The following GAS2L3 variants were observed in gnomAD, a reference collection of about 807,000 sequenced individuals.
The protein encoded by GAS2L3 is growth arrest specific 2 like 3.
In GAS2L3, 28 loss-of-function variants were observed where a neutral mutation model predicts 37.0. The observed-to-expected ratio is 0.76, with a 90% CI of 0.56 to 1.04. The LOEUF is 1.04. Ranked by LOEUF, GAS2L3 falls within the 50% of genes least tolerant of loss-of-function variation. The pLI is 0.00. For synonymous variants in GAS2L3, 290 were observed against 296.6 expected, an observed-to-expected ratio of 0.98 and a Z score of 0.23; for missense variants, 793 against 817.6, an observed-to-expected ratio of 0.97 and a Z score of 0.37.
chr12:100,611,860 C>T (rs1255412032), intron 5 of GAS2L3, 140 bp from the exon 6 acceptor site: 5 of 641,822 alleles, frequency 7.8e-6, no homozygotes, highest in Admixed American at 3.0e-5. Flanking sequence ...AAATAGTTTT[C>T]AAAACTATCT....
chr12:100,576,743 A>G (rs1215385893), intron 1 of GAS2L3, among the ~76,000 whole-genome samples: 1 of 122,574 alleles, frequency 8.2e-6, no homozygotes, highest in Non-Finnish European at 1.7e-5. Context: ...ACATTGTTAC[A>G]GAGTAGGTAG....
intron 1 of GAS2L3, among the ~76,000 whole-genome samples, chr12:100,587,911 G>A (rs1268131051): frequency 6.6e-6 from 1 of 152,114 alleles, no homozygotes; most frequent in Non-Finnish European, 1.5e-5. Flanking sequence ...AATTAGCCAG[G>A]TGTGGTGGTG....
chr12:100,601,697 C>A lies in GAS2L3; in HGVS notation c.247C>A (p.Gln83Lys). The change falls in exon 5 of 10, where the codon CAA becomes AAA. Residue 83 changes from glutamine to lysine, a missense_variant. Physicochemically the swap from Gln to Lys is moderately conservative, Grantham distance 53. Coordinates refer to ENST00000547754, the MANE Select transcript of GAS2L3 (RefSeq NM_174942.3). ...EELDNGVLLC[Q>K]LIDVLQNMVK... Reference sequence around the variant, plus strand: ...ACTTGATAATGGAGTACTATTATGTCAACTGATTGATGTTCTTCAAAACAT... The same window carrying A: ...ACTTGATAATGGAGTACTATTATGTAAACTGATTGATGTTCTTCAAAACAT... 1 of 1,605,650 alleles carries A rather than the reference C, an allele frequency of 6.2e-7. No homozygotes were observed. The highest frequency in any genetic ancestry group is 1.1e-5 in the South Asian group (1 of 89,904).
At chr12:100,595,033 A>C (rs1319356355) in intron 3 of GAS2L3, 111 bp downstream of exon 3, 1 of 469,456 alleles carries the variant, frequency 2.1e-6, no homozygotes, top group Non-Finnish European at 3.8e-6. Context: ...TAGTTTTTTT[A>C]AGCATCACAT....
intron 5 of GAS2L3, among the ~76,000 whole-genome samples, chr12:100,604,003 C>T (rs1273515390): frequency 6.6e-6 from 1 of 151,734 alleles, no homozygotes; most frequent in Non-Finnish European, 1.5e-5. Flanking sequence ...CTTTTTATGC[C>T]AGTACCATAC....
At chr12:100,617,986 C>T (rs572875678) in intron 7 of GAS2L3, among the ~76,000 whole-genome samples, 179 bp downstream of exon 7, 82 of 152,128 alleles carry the variant, frequency 5.4e-4, no homozygotes, top group African/African-American at 1.9e-3. Context: ...TGTAAACATC[C>T]GAGTTCTCAA....
At chr12:100,580,280 G>T in intron 1 of GAS2L3, 1 of 415,178 alleles carries the variant, frequency 2.4e-6, no homozygotes, top group Non-Finnish European at 4.3e-6. Context: ...TTGGGGGCTT[G>T]TGTTTTTTAT....
At chr12:100,583,919 A>G (rs1254669191) in intron 1 of GAS2L3, among the ~76,000 whole-genome samples, 1 of 152,204 alleles carries the variant, frequency 6.6e-6, no homozygotes, top group Admixed American at 6.5e-5. Flanking sequence ...AAATAATAAT[A>G]AGAAATAATA....
chr12:100,600,604 T>C (rs1036962089), intron 4 of GAS2L3, 54 bp downstream of exon 4: 7 of 1,340,164 alleles, frequency 5.2e-6, no homozygotes, highest in Non-Finnish European at 4.3e-6. Context: ...TATGCATTTA[T>C]TGAGAGCCTT....
intron 6 of GAS2L3, among the ~76,000 whole-genome samples, chr12:100,616,016 A>AC (rs1956183338): frequency 6.9e-6 from 1 of 145,354 alleles, no homozygotes; most frequent in South Asian, 2.1e-4. Context: ...CCATTTCTGG[A>AC]AAAAAAAAGG....
intron 5 of GAS2L3, among the ~76,000 whole-genome samples, chr12:100,603,663 G>T (rs1054278101): frequency 3.9e-5 from 6 of 151,952 alleles, no homozygotes; most frequent in Middle Eastern, 3.4e-3. Flanking sequence ...TTTTGATTTG[G>T]TTGCTTCTGC....
chr12:100,624,553 T>C lies in GAS2L3; in HGVS notation c.1748T>C (p.Ile583Thr), dbSNP rs1956308566. The C allele has an allele frequency of 1.2e-6, 2 of 1,613,980 alleles. No homozygotes were observed. Among genetic ancestry groups the C allele is most frequent in the Non-Finnish European group, 1.7e-6 (2 of 1,180,004 alleles). The change falls in exon 10 of 10, where the codon ATA (isoleucine) becomes ACA (threonine). Residue 583 changes from isoleucine (I) to threonine (T), a missense_variant. Physicochemically the swap from Ile to Thr is moderately conservative, Grantham distance 89. Transcript: ENST00000547754. ...KATQKSKDKNIVSATKKQPQN... is the reference protein window; with the variant it reads ...KATQKSKDKNTVSATKKQPQN... Reference sequence around the variant, plus strand: ...ACACAGAAATCAAAAGATAAGAATATAGTTTCAGCTACCAAAAAGCAGCCT... The same window carrying C: ...ACACAGAAATCAAAAGATAAGAATACAGTTTCAGCTACCAAAAAGCAGCCT...
chr12:100,580,483 T>A (rs1955696931), intron 1 of GAS2L3, among the ~76,000 whole-genome samples: 1 of 152,200 alleles, frequency 6.6e-6, no homozygotes, highest in Non-Finnish European at 1.5e-5. Context: ...GCAGAGATGT[T>A]TTAACATTAT....
At chr12:100,620,937 G>A (rs563807846) in intron 8 of GAS2L3, among the ~76,000 whole-genome samples, 6 of 152,014 alleles carry the variant, frequency 3.9e-5, no homozygotes, top group Admixed American at 1.3e-4. Flanking sequence ...AGATGTGCAC[G>A]TGTGCATGTG....
At chr12:100,619,502 T>C (rs1956228020) in intron 8 of GAS2L3, among the ~76,000 whole-genome samples, 1 of 152,110 alleles carries the variant, frequency 6.6e-6, no homozygotes, top group Non-Finnish European at 1.5e-5. Context: ...GCTTTGATTG[T>C]TTTGTTTAAT....
chr12:100,590,176 G>T (rs1955828505), intron 1 of GAS2L3, among the ~76,000 whole-genome samples: 1 of 152,086 alleles, frequency 6.6e-6, no homozygotes, highest in African/African-American at 2.4e-5. Flanking sequence ...ATCTGACAAA[G>T]GACTAATATC....
At chr12:100,614,604 T>A (rs1466534226) in intron 6 of GAS2L3, among the ~76,000 whole-genome samples, 1 of 152,244 alleles carries the variant, frequency 6.6e-6, no homozygotes, top group East Asian at 1.9e-4. Context: ...TTTAGTATAT[T>A]CACTATGTTG....
intron 1 of GAS2L3, among the ~76,000 whole-genome samples, chr12:100,589,462 T>C (rs1368312117): frequency 2.0e-5 from 3 of 152,160 alleles, no homozygotes; most frequent in African/African-American, 7.2e-5. Context: ...TGCTCATGGA[T>C]GGGTAGAGTC....
chr12:100,588,506 A>T (rs1955807869), intron 1 of GAS2L3, among the ~76,000 whole-genome samples: 1 of 152,242 alleles, frequency 6.6e-6, no homozygotes, highest in Non-Finnish European at 1.5e-5. Context: ...AACAGAACAA[A>T]GGGGAAAAGC....
Sources: allele counts gnomAD v4.1 joint callset (sites outside exome capture counted in the v4.1 genomes callset), GRCh38; gene constraint gnomAD v4.1.1; transcripts MANE v1.5; gene names NCBI Gene and HGNC (gene_info 2026-07-23, HGNC 2026-07-21).